C8B: variants seen among roughly 807,000 people sequenced by gnomAD.
C8B encodes the protein complement C8 beta chain.
Under a neutral mutation model 64.6 loss-of-function variants are expected in C8B, and 67 were observed. That is an observed-to-expected ratio of 1.04 (90% CI 0.85 to 1.27). C8B has a LOEUF of 1.27. Ranked by LOEUF, C8B falls within the 50% of genes most tolerant of loss-of-function variation. The probability of loss-of-function intolerance (pLI) is 0.00; values close to 1 mark genes in which losing one functional copy is unlikely to be tolerated. For synonymous variants in C8B, 284 were observed against 257.7 expected (o/e 1.10, Z -0.98); for missense variants, 790 against 725.2 (o/e 1.09, Z -1.03).
chr1:56,951,927 AC>A, intron 5 of C8B, 120 bp downstream of exon 5: 1 of 811,272 alleles, frequency 1.2e-6, no homozygotes, highest in Non-Finnish European at 1.9e-6. Flanking sequence ...GCCCATTTTC[AC>A]ATATGAAGAA....
chr1:56,930,277 T>C (rs1432792331), intron 11 of C8B, among the ~76,000 whole-genome samples: 1 of 152,226 alleles, frequency 6.6e-6, no homozygotes, highest in African/African-American at 2.4e-5. Flanking sequence ...CCCTGACACT[T>C]GGCTTTCACT....
At chr1:56,959,150 G>C (rs1645141920) in intron 2 of C8B, among the ~76,000 whole-genome samples, 1 of 152,204 alleles carries the variant, frequency 6.6e-6, no homozygotes, top group Non-Finnish European at 1.5e-5. Flanking sequence ...CTGTTTATCT[G>C]TCTGTTTAAC....
At chr1:56,949,805 A>G in intron 5 of C8B, 53 bp from the exon 6 acceptor site, 1 of 1,263,158 alleles carries the variant, frequency 7.9e-7, no homozygotes, top group Non-Finnish European at 1.1e-6. Context: ...AAATCAGTTC[A>G]ATACCAGTGA....
At position 56,929,437 on chromosome 1, in the gene C8B, T is replaced by C. The variant is rs368639396; in HGVS notation, c.1743A>G (p.Ser581=). The C allele has an allele frequency of 2.5e-6, 4 of 1,612,374 alleles. No individual in the cohort carries two copies. Among genetic ancestry groups the C allele is most frequent in the Non-Finnish European group, 3.4e-6 (4 of 1,179,938 alleles). ...PPPQNGGSPC[S]GPASETLDCS ...AGTCAAGTGTTTCTGAAGCAGGGCC[T>C]GAACAGGGGCTACCCCCATTTTGAG... Residue 581 remains serine (S), a synonymous_variant, in exon 12 of 12, where the codon TCA becomes TCG. Coordinates refer to ENST00000371237, the MANE Select transcript of C8B (RefSeq NM_000066.4).
intron 4 of C8B, among the ~76,000 whole-genome samples, chr1:56,952,974 T>G (rs1570397467): frequency 6.6e-6 from 1 of 152,208 alleles, no homozygotes; most frequent in East Asian, 1.9e-4. Context: ...CGTACAACCC[T>G]CATCACAACG....
intron 8 of C8B, among the ~76,000 whole-genome samples, chr1:56,941,661 G>A (rs903223965): frequency 2.6e-5 from 4 of 152,180 alleles, no homozygotes; most frequent in Non-Finnish European, 5.9e-5. Context: ...AGCATTATTA[G>A]CTCTACTTCA....
At chr1:56,938,500 GT>G (rs1397749239) in intron 9 of C8B, among the ~76,000 whole-genome samples, 1 of 151,960 alleles carries the variant, frequency 6.6e-6, no homozygotes, top group African/African-American at 2.4e-5. Flanking sequence ...CTATTTTTCT[GT>G]TTTTTTAGAC....
Position 56,952,096 on chromosome 1 carries a change from C to G in C8B, c.618G>C (p.Leu206=), listed in dbSNP as rs1186858324. 1 of 1,614,018 alleles carries G rather than the reference C, an allele frequency of 6.2e-7. No individual in the cohort carries two copies. Among genetic ancestry groups the G allele is most frequent in the African/African-American group, 1.3e-5 (1 of 74,902 alleles). The part of the protein sequence containing the change: ...YAGGCSPHYI[L]NTRFRKPYNV... ...TGTAGGGCTTCCTAAACCTCGTGTT[C>G]AGGATGTAATGCGGGGAGCATCCAC... Residue 206 remains leucine (L), a synonymous_variant, in exon 5 of 12, where the codon CTG becomes CTC. Coordinates refer to ENST00000371237, the MANE Select transcript of C8B (RefSeq NM_000066.4).
Position 56,956,939 on chromosome 1 carries a change from AG to A in C8B, c.250-30del, listed in dbSNP as rs1424509822. The A allele has an allele frequency of 2.5e-6, 4 of 1,613,530 alleles. No individual in the cohort carries two copies. The African/African-American group carries it at 5.3e-5, about 22-fold the overall frequency. The stretch of plus-strand genomic sequence containing the variant: ...TAGCAGAGAGGAGCCAGGTGAACCA[AG>A]GGTAAAGCCTTAGATCTCAGGAGCT... On this transcript the variant is annotated intron_variant, in intron 2 of 11. Transcript: ENST00000371237.
chr1:56,962,744 C>G (rs1057491754), intron 1 of C8B, among the ~76,000 whole-genome samples: 27 of 152,326 alleles, frequency 1.8e-4, no homozygotes, highest in African/African-American at 6.5e-4. Context: ...TTGCTCCCCC[C>G]ACCTTACCCC....
intron 1 of C8B, among the ~76,000 whole-genome samples, chr1:56,962,810 T>G (rs1323680278): frequency 6.6e-6 from 1 of 152,258 alleles, no homozygotes; most frequent in African/African-American, 2.4e-5. Context: ...TTTTAGATAA[T>G]TTGATGTCTA....
intron 2 of C8B, 90 bp downstream of exon 2, chr1:56,959,930 G>C (rs1333601775): frequency 1.4e-6 from 2 of 1,406,944 alleles, no homozygotes; most frequent in African/African-American, 2.8e-5. Context: ...GGCCAACTAT[G>C]TGCCAGGCAC....
chr1:56,952,732 T>C (rs1008455801), intron 4 of C8B, among the ~76,000 whole-genome samples: 3 of 152,200 alleles, frequency 2.0e-5, no homozygotes, highest in Non-Finnish European at 4.4e-5. Context: ...CCAGGTGACC[T>C]TGGGCAAGCC....
intron 7 of C8B, among the ~76,000 whole-genome samples, chr1:56,944,034 C>T (rs1031051303): frequency 1.3e-5 from 2 of 152,104 alleles, no homozygotes; most frequent in Admixed American, 1.3e-4. Flanking sequence ...TCCCTTTCAG[C>T]CTCCCCGCAA....
At chr1:56,941,526 ATAG>A (rs1644859540) in intron 8 of C8B, among the ~76,000 whole-genome samples, 1 of 134,918 alleles carries the variant, frequency 7.4e-6, no homozygotes, top group East Asian at 1.9e-4. Flanking sequence ...AGATAGATAG[ATAG>A]ATAGATAGAT....
chr1:56,952,829 G>A (rs1014685378), intron 4 of C8B, among the ~76,000 whole-genome samples: 2 of 152,190 alleles, frequency 1.3e-5, no homozygotes, highest in African/African-American at 4.8e-5. Flanking sequence ...ACCTCATGGG[G>A]ATGTTGTGAG....
intron 1 of C8B, among the ~76,000 whole-genome samples, chr1:56,960,493 G>T (rs191714465): frequency 1.3e-5 from 2 of 152,294 alleles, no homozygotes; most frequent in Admixed American, 6.5e-5. Context: ...CATGCCTCAC[G>T]CCCTAGCTCT....
intron 4 of C8B, among the ~76,000 whole-genome samples, chr1:56,952,594 G>A (rs147957856): frequency 1.5e-3 from 227 of 152,250 alleles, no homozygotes; most frequent in African/African-American, 4.8e-3. Context: ...CCCTGTGCTC[G>A]CACCGTTGTG....
intron 9 of C8B, among the ~76,000 whole-genome samples, chr1:56,936,955 C>T (rs866690754): frequency 2.0e-5 from 3 of 152,166 alleles, no homozygotes; most frequent in African/African-American, 4.8e-5. Context: ...CCAAATCCAA[C>T]ATTGTCTTTC....
Sources: allele counts gnomAD v4.1 joint callset (sites outside exome capture counted in the v4.1 genomes callset), GRCh38; gene constraint gnomAD v4.1.1; transcripts MANE v1.5; gene names NCBI Gene and HGNC (gene_info 2026-07-23, HGNC 2026-07-21).